Variants in RUFY1 observed in about 807,000 individuals in gnomAD.
RUFY1 encodes RUN and FYVE domain containing 1.
Under a neutral mutation model 94.6 loss-of-function variants are expected in RUFY1, and 54 were observed. The ratio of observed to expected loss-of-function variants is 0.57; its 90% CI spans 0.46 to 0.72. The LOEUF is 0.72. RUFY1 is among the 30% of genes least tolerant of loss of function. The pLI is 0.00. For missense variants in RUFY1, 883 were observed against 883.9 expected (o/e 1.00, Z 0.01); for synonymous variants, 396 against 347.3 (o/e 1.14, Z -1.56).
chr5:179,596,434 C>T (rs1202728214), intron 12 of RUFY1, 128 bp from the exon 13 acceptor site: 1 of 1,179,350 alleles, frequency 8.5e-7, no homozygotes, highest in Non-Finnish European at 1.3e-6. Context: ...GCTGAATCTC[C>T]ACGTGTTAAA....
chr5:179,562,400 C>A (rs1239002313), intron 2 of RUFY1, 147 bp from the exon 3 acceptor site: 2 of 621,528 alleles, frequency 3.2e-6, no homozygotes, highest in Non-Finnish European at 5.9e-6. Context: ...AGTAAGACTC[C>A]ATCTCAAAAA....
intron 16 of RUFY1, 184 bp from the exon 17 acceptor site, chr5:179,607,398 C>G (rs375411947): frequency 3.3e-6 from 2 of 604,954 alleles, no homozygotes; most frequent in Non-Finnish European, 2.9e-6. Flanking sequence ...GCAGAAATCC[C>G]GGCTGCGGCC....
intron 17 of RUFY1, 85 bp downstream of exon 17, chr5:179,607,744 CAGAG>C: frequency 8.3e-7 from 1 of 1,202,894 alleles, no homozygotes. Flanking sequence ...AAGCCCATAT[CAGAG>C]CAGGCTCACT....
At position 179,550,869 on chromosome 5, in the gene RUFY1, G is replaced by T; in HGVS notation, c.300G>T (p.Thr100=). 8.5e-7 allele frequency: 1 copy of T among 1,173,806 alleles called. No homozygotes were observed. Among genetic ancestry groups the T allele is most frequent in the South Asian group, 4.1e-5 (1 of 24,558 alleles). The allele number at this position is 1,173,806 out of a possible 1,614,324, so 72.7% of individuals were successfully genotyped here. ...GCGGCGGGGACAGCGGGGACGGCAC[G>T]GCGCGCGCAGGTAGGCTCGGGCCGG... ...GLGGGDSGDG[T]ARAASKCQMM... Residue 100 remains threonine (T), a synonymous_variant, in exon 1 of 18, where the codon ACG becomes ACT. Transcript: ENST00000319449.
intron 8 of RUFY1, 135 bp downstream of exon 8, chr5:179,586,000 G>A: frequency 4.3e-6 from 3 of 691,412 alleles, no homozygotes; most frequent in Non-Finnish European, 7.7e-6. Context: ...ACCCCACGTG[G>A]GACAGGAGAA....
chr5:179,570,619 G>A (rs1333812697), intron 5 of RUFY1, among the ~76,000 whole-genome samples: 1 of 152,090 alleles, frequency 6.6e-6, no homozygotes, highest in African/African-American at 2.4e-5. Flanking sequence ...CCCTCTTCGG[G>A]GCATCCGCAG....
At chr5:179,595,324 A>C (rs574517521) in intron 12 of RUFY1, among the ~76,000 whole-genome samples, 28 of 152,202 alleles carry the variant, frequency 1.8e-4, no homozygotes, top group Admixed American at 3.3e-4. Context: ...CTAAAAATAC[A>C]AAAAATTAGT....
intron 16 of RUFY1, 58 bp from the exon 17 acceptor site, chr5:179,607,524 A>C: frequency 1.4e-6 from 2 of 1,422,720 alleles, no homozygotes; most frequent in Non-Finnish European, 2.0e-6. Flanking sequence ...GAACGCAGCT[A>C]CCCACTCATC....
intron 4 of RUFY1, among the ~76,000 whole-genome samples, chr5:179,568,357 T>G (rs750346368): frequency 6.6e-6 from 1 of 152,238 alleles, no homozygotes; most frequent in Non-Finnish European, 1.5e-5. Context: ...TTCTCTAGAC[T>G]GTGATGATTT....
chr5:179,560,751 G>GA (rs1177705458), intron 2 of RUFY1, among the ~76,000 whole-genome samples: 5 of 144,246 alleles, frequency 3.5e-5, no homozygotes, highest in Non-Finnish European at 7.6e-5. Flanking sequence ...AAAGAAAAAA[G>GA]AAAAAAAAGT....
chr5:179,577,472 AT>A (rs1156784578), intron 6 of RUFY1, among the ~76,000 whole-genome samples: 1 of 150,748 alleles, frequency 6.6e-6, no homozygotes, highest in Non-Finnish European at 1.5e-5. Context: ...GCCACGTCAC[AT>A]TTTTAATAAA....
At chr5:179,587,700 A>G (rs1360888924) in intron 8 of RUFY1, among the ~76,000 whole-genome samples, 1 of 149,000 alleles carries the variant, frequency 6.7e-6, no homozygotes, top group African/African-American at 2.5e-5. Flanking sequence ...GCACCCAGCC[A>G]GGTTATGTTT....
chr5:179,607,202 G>C (rs1581580701), intron 16 of RUFY1: 2 of 251,270 alleles, frequency 8.0e-6, no homozygotes, highest in Non-Finnish European at 1.6e-5. Flanking sequence ...TGCCAGTTCA[G>C]CTAGCACTTC....
At chr5:179,553,275 A>G (rs1761943851) in intron 1 of RUFY1, among the ~76,000 whole-genome samples, 1 of 152,180 alleles carries the variant, frequency 6.6e-6, no homozygotes, top group East Asian at 1.9e-4. Context: ...CACCTGTCCC[A>G]TCCCTGCAGG....
chr5:179,560,642 C>G (rs573122659), intron 2 of RUFY1, among the ~76,000 whole-genome samples: 4 of 146,304 alleles, frequency 2.7e-5, no homozygotes, highest in Non-Finnish European at 6.0e-5. Context: ...AGGAGAATGG[C>G]GTGATCCCGG....
At chr5:179,600,157 T>C (rs1460668851) in intron 14 of RUFY1, 1 of 152,184 alleles carries the variant, frequency 6.6e-6, no homozygotes, top group Non-Finnish European at 1.5e-5. Flanking sequence ...AACAAAACAA[T>C]GTCTAATAAC....
At chr5:179,570,946 A>T (rs2127526406) in intron 5 of RUFY1, among the ~76,000 whole-genome samples, 1 of 152,318 alleles carries the variant, frequency 6.6e-6, no homozygotes, top group East Asian at 1.9e-4. Flanking sequence ...AGATGAATAA[A>T]GGTGTGTGCA....
In RUFY1 at chr5:179,560,058, A is replaced by C. The variant is rs757645958; in HGVS notation, c.344A>C (p.Asn115Thr). 1 of 1,613,816 alleles carries C rather than the reference A, an allele frequency of 6.2e-7. No homozygotes were observed. Among genetic ancestry groups the C allele is most frequent in the Non-Finnish European group, 8.5e-7 (1 of 1,179,992 alleles). Reference sequence around the variant, plus strand: ...TGCCAGATGATGGAGGAGCGTGCCAACCTGATGCACATGATGAAACTCAGC... The same window carrying C: ...TGCCAGATGATGGAGGAGCGTGCCACCCTGATGCACATGATGAAACTCAGC... ...SKCQMMEERA[N>T]LMHMMKLSIK... Residue 115 changes from asparagine (N) to threonine (T), a missense_variant, in exon 2 of 18, where the codon AAC becomes ACC. Transcript: ENST00000319449.
In RUFY1 at chr5:179,593,452, A is replaced by G. The variant is rs751777146; in HGVS notation, c.1246-26A>G. On this transcript the variant is annotated intron_variant, in intron 10 of 17. Coordinates refer to ENST00000319449, the MANE Select transcript of RUFY1 (RefSeq NM_025158.5). ...CATTTCTGTGATCTATTTTAATAACATTTTCCTTGTAAATATCCTTTTAAG... is the reference window on the plus strand; with the variant it reads ...CATTTCTGTGATCTATTTTAATAACGTTTTCCTTGTAAATATCCTTTTAAG... 15 of 1,579,606 alleles carry G rather than the reference A, an allele frequency of 9.5e-6. No homozygotes were observed. In the South Asian group the frequency reaches 1.3e-4, roughly 14 times the overall value.
Sources: allele counts gnomAD v4.1 joint callset (sites outside exome capture counted in the v4.1 genomes callset), GRCh38; gene constraint gnomAD v4.1.1; transcripts MANE v1.5; gene names NCBI Gene and HGNC (gene_info 2026-07-23, HGNC 2026-07-21).